Variants in PDE6C observed in about 807,000 individuals in gnomAD.
PDE6C encodes the protein cone cGMP-specific 3',5'-cyclic phosphodiesterase subunit alpha'.
A neutral mutation model predicts 113.1 loss-of-function variants in PDE6C; 75 were observed. That is an observed-to-expected ratio of 0.66 (90% CI 0.55 to 0.80). PDE6C has a LOEUF of 0.80. PDE6C is among the 30% of genes least tolerant of loss of function. The pLI, the probability that PDE6C is intolerant of heterozygous loss-of-function variation, is 0.00. For synonymous variants in PDE6C, 375 were observed against 363.7 expected (o/e 1.03, Z -0.35); for missense variants, 912 against 1,038.6 (o/e 0.88, Z 1.67).
chr10:93,655,654 CAAAA>C, intron 15 of PDE6C, 102 bp from the exon 16 acceptor site: 4 of 324,448 alleles, frequency 1.2e-5, no homozygotes, highest in South Asian at 2.9e-5. Context: ...AAAAAACAAA[CAAAA>C]AAGTGTTGAA....
chr10:93,616,633 C>T (rs1385390515), intron 1 of PDE6C, among the ~76,000 whole-genome samples: 2 of 146,784 alleles, frequency 1.4e-5, no homozygotes, highest in Non-Finnish European at 3.0e-5. Context: ...TGTTTTAAAA[C>T]AAGTTGAAGG....
In PDE6C at chr10:93,612,618, G is replaced by T; in HGVS notation, c.-108G>T. The T allele has an allele frequency of 6.7e-7, 1 of 1,502,688 alleles. No individual in the cohort carries two copies. Among genetic ancestry groups the T allele is most frequent in the South Asian group, 1.1e-5 (1 of 88,222 alleles). 93.1% of individuals were successfully genotyped at this position (1,502,688 alleles called of 1,614,324 possible). On this transcript the variant is annotated 5_prime_UTR_variant, in exon 1 of 22. Coordinates refer to ENST00000371447, the MANE Select transcript of PDE6C (RefSeq NM_006204.4). ...GAAGTCCTATGAGGGACCATTTACG[G>T]TTTCCTCAGTAATTTCCACCAGGAT...
intron 15 of PDE6C, among the ~76,000 whole-genome samples, chr10:93,654,811 T>TC (rs1554891609): frequency 7.3e-5 from 5 of 68,244 alleles, no homozygotes; most frequent in Non-Finnish European, 1.4e-4. Flanking sequence ...TCTTTCTTTC[T>TC]TTTTTTTTTT....
At chr10:93,621,830 A>C (rs2058447930) in intron 3 of PDE6C, 102 bp from the exon 4 acceptor site, 1 of 1,067,932 alleles carries the variant, frequency 9.4e-7, no homozygotes, top group Non-Finnish European at 1.4e-6. Context: ...AATGATATGC[A>C]TTTATTTTAT....
intron 18 of PDE6C, among the ~76,000 whole-genome samples, chr10:93,661,161 A>C (rs541111649): frequency 6.6e-6 from 1 of 152,310 alleles, no homozygotes; most frequent in African/African-American, 2.4e-5. Context: ...ACTGGCCTAG[A>C]GAATCAAATT....
At chr10:93,643,301 CT>C (rs1479338986) in intron 14 of PDE6C, among the ~76,000 whole-genome samples, 2 of 152,148 alleles carry the variant, frequency 1.3e-5, no homozygotes, top group Non-Finnish European at 2.9e-5. Flanking sequence ...CATTCCTCCT[CT>C]GTAAACTCAA....
Position 93,658,994 on chromosome 10 carries a change from G to C in PDE6C, c.2130G>C (p.Lys710Asn), listed in dbSNP as rs1466343940. ...AIKYVTVDPT[K>N]KEIIMAMMMT... ...AATATGTAACTGTTGATCCAACCAAGAAAGAGATTATCATGTAGGTAGTTG... is the reference window on the plus strand; with the variant it reads ...AATATGTAACTGTTGATCCAACCAACAAAGAGATTATCATGTAGGTAGTTG... The change falls in exon 17 of 22, where the codon AAG becomes AAC. Residue 710 changes from lysine (K) to asparagine (N), a missense_variant. Transcript: ENST00000371447. 1.2e-6 allele frequency: 2 copies of C among 1,604,818 alleles called. No individual in the cohort carries two copies. The highest frequency in any genetic ancestry group is 4.5e-5 in the East Asian group (2 of 44,740).
chr10:93,638,715 G>A (rs1027966782), intron 11 of PDE6C, among the ~76,000 whole-genome samples: 1 of 152,144 alleles, frequency 6.6e-6, no homozygotes, highest in African/African-American at 2.4e-5. Flanking sequence ...AAATTATCCT[G>A]GCATCATTTC....
At chr10:93,658,707 T>C (rs12252727) in intron 16 of PDE6C, among the ~76,000 whole-genome samples, 194 bp from the exon 17 acceptor site, 5,995 of 152,202 alleles carry the variant, frequency 0.039, 356 homozygotes, top group African/African-American at 0.13. Context: ...GTTTGTGCTT[T>C]TTCTGCCTTA....
intron 15 of PDE6C, among the ~76,000 whole-genome samples, chr10:93,646,312 CA>C (rs2058584251): frequency 1.3e-5 from 2 of 151,874 alleles, no homozygotes; most frequent in Non-Finnish European, 2.9e-5. Context: ...ATGGTGGATG[CA>C]AAAGGGCTCC....
At chr10:93,655,628 A>AAG in intron 15 of PDE6C, 132 bp from the exon 16 acceptor site, 1 of 544,774 alleles carries the variant, frequency 1.8e-6, no homozygotes, top group Non-Finnish European at 3.4e-6. Flanking sequence ...AAAAAAAAAA[A>AAG]GGAAGGAAAA....
At chr10:93,657,180 T>G (rs528905826) in intron 16 of PDE6C, among the ~76,000 whole-genome samples, 1 of 151,952 alleles carries the variant, frequency 6.6e-6, no homozygotes, top group Admixed American at 6.5e-5. Flanking sequence ...TTGGTTTTTT[T>G]GCGACGGAGT....
chr10:93,654,750 TTTTCTTTCTTTC>T (rs1218959114), intron 15 of PDE6C, among the ~76,000 whole-genome samples: 1,381 of 120,738 alleles, frequency 0.011, 30 homozygotes, highest in African/African-American at 0.018. Flanking sequence ...TATATACTCA[TTTTCTTTCTTTC>T]TTTCTTTCTT....
intron 21 of PDE6C, among the ~76,000 whole-genome samples, chr10:93,663,629 C>T (rs1053476266): frequency 2.0e-5 from 3 of 152,172 alleles, no homozygotes; most frequent in Non-Finnish European, 4.4e-5. Flanking sequence ...TACAGATCTT[C>T]AGCTTAAGGA....
At chr10:93,654,810 C>CTTTCTT (rs1554891606) in intron 15 of PDE6C, among the ~76,000 whole-genome samples, 6 of 77,108 alleles carry the variant, frequency 7.8e-5, no homozygotes, top group Non-Finnish European at 1.0e-4. Context: ...TTCTTTCTTT[C>CTTTCTT]TTTTTTTTTT....
intron 15 of PDE6C, among the ~76,000 whole-genome samples, chr10:93,655,520 T>C (rs1252449087): frequency 6.7e-6 from 1 of 149,632 alleles, no homozygotes; most frequent in African/African-American, 2.5e-5. Flanking sequence ...TGGCTAACAG[T>C]ATCTATTTTT....
Position 93,662,081 on chromosome 10 carries a change from A to C in PDE6C, c.2231A>C (p.Glu744Ala). 1.2e-6 allele frequency: 2 copies of C among 1,610,192 alleles called. No individual in the cohort carries two copies. Among genetic ancestry groups the C allele is most frequent in the Non-Finnish European group, 1.7e-6 (2 of 1,176,472 alleles). ...CAGGTAGCACTTATGGTTGCAAATG[A>C]ATTTTGGGAACAAGGAGATCTGGAG... Reference protein sequence around the residue: ...QSQVALMVANEFWEQGDLERT... With the variant: ...QSQVALMVANAFWEQGDLERT... The change falls in exon 19 of 22, where the codon GAA (glutamate) becomes GCA (alanine). Residue 744 changes from glutamate to alanine, a missense_variant. Glu to Ala is a moderately radical substitution (Grantham distance 107, BLOSUM62 -1). Transcript: ENST00000371447.
intron 15 of PDE6C, among the ~76,000 whole-genome samples, chr10:93,654,664 A>G (rs760834914): frequency 1.1e-4 from 17 of 152,082 alleles, no homozygotes; most frequent in Non-Finnish European, 2.4e-4. Context: ...CAAAATCACT[A>G]TCTATCTGTC....
At chr10:93,641,643 C>T (rs1277564619) in intron 14 of PDE6C, among the ~76,000 whole-genome samples, 2 of 151,628 alleles carry the variant, frequency 1.3e-5, no homozygotes, top group Admixed American at 6.6e-5. Flanking sequence ...GACTCTGTCT[C>T]GAAAAAAATT....
Sources: gnomAD v4.1 joint callset for allele counts (sites outside exome capture counted in the v4.1 genomes callset) on GRCh38, gnomAD v4.1.1 for gene constraint, MANE v1.5 for transcripts, NCBI Gene and HGNC (gene_info 2026-07-23, HGNC 2026-07-21) for gene names.